SEC24B: variants seen among roughly 807,000 people sequenced by gnomAD.
SEC24B encodes the protein protein transport protein Sec24B.
A neutral mutation model predicts 142.8 loss-of-function variants in SEC24B; 45 were observed. The observed-to-expected ratio is 0.32, with a 90% confidence interval of 0.25 to 0.40. The LOEUF (loss-of-function observed/expected upper bound fraction) is 0.40. SEC24B is among the 10% of genes least tolerant of loss of function. The pLI is 1.00. For missense variants in SEC24B, 1,409 were observed against 1,526.8 expected (o/e 0.92, Z 1.29); for synonymous variants, 574 against 568.2 (o/e 1.01, Z -0.15).
At chr4:109,492,328 T>G (rs1453977459) in intron 5 of SEC24B, among the ~76,000 whole-genome samples, 1 of 152,172 alleles carries the variant, frequency 6.6e-6, no homozygotes. Context: ...TGTGTGTCTG[T>G]GTGTGTAAGA....
intron 1 of SEC24B, among the ~76,000 whole-genome samples, chr4:109,459,419 AAAG>A (rs1361563371): frequency 9.2e-5 from 14 of 152,220 alleles, no homozygotes; most frequent in Non-Finnish European, 1.3e-4. Flanking sequence ...ATAGTACAAA[AAAG>A]CAAAATATCT....
intron 4 of SEC24B, among the ~76,000 whole-genome samples, chr4:109,484,167 G>T (rs538804251): frequency 5.9e-5 from 9 of 152,202 alleles, no homozygotes; most frequent in Non-Finnish European, 1.2e-4. Context: ...TGTCATGTTA[G>T]ACTCCTTTAG....
intron 1 of SEC24B, among the ~76,000 whole-genome samples, chr4:109,442,793 G>T (rs547219115): frequency 6.6e-6 from 1 of 152,048 alleles, no homozygotes; most frequent in African/African-American, 2.4e-5. Context: ...TTGTAGTATG[G>T]TGGAAATCAT....
intron 22 of SEC24B, among the ~76,000 whole-genome samples, chr4:109,535,939 A>G (rs1218466249): frequency 6.6e-6 from 1 of 152,238 alleles, no homozygotes; most frequent in East Asian, 1.9e-4. Flanking sequence ...AGGAAATATG[A>G]TTCTGAAAAC....
intron 9 of SEC24B, among the ~76,000 whole-genome samples, chr4:109,513,176 T>C (rs1348829541): frequency 1.3e-5 from 2 of 151,558 alleles, no homozygotes; most frequent in East Asian, 1.9e-4. Flanking sequence ...GGTTTTACCA[T>C]ATTGGCCAGG....
chr4:109,497,832 C>G (rs7675602), intron 6 of SEC24B, among the ~76,000 whole-genome samples: 3 of 151,978 alleles, frequency 2.0e-5, no homozygotes, highest in Non-Finnish European at 4.4e-5. Context: ...TGCTGGGCCA[C>G]TGGATATTCA....
At chr4:109,530,067 C>T (rs986378779) in intron 18 of SEC24B, among the ~76,000 whole-genome samples, 1 of 152,040 alleles carries the variant, frequency 6.6e-6, no homozygotes, top group Non-Finnish European at 1.5e-5. Context: ...GAGATTAAAA[C>T]AAAAATGTCC....
At chr4:109,530,842 G>A (rs1339262449) in intron 19 of SEC24B, among the ~76,000 whole-genome samples, 2 of 135,522 alleles carry the variant, frequency 1.5e-5, no homozygotes, top group African/African-American at 5.8e-5. Flanking sequence ...GTTGCAGTGA[G>A]CCAAGATCAT....
chr4:109,496,933 A>G (rs1735598178), intron 6 of SEC24B, among the ~76,000 whole-genome samples: 1 of 152,248 alleles, frequency 6.6e-6, no homozygotes, highest in South Asian at 2.1e-4. Context: ...AACCAGGTTC[A>G]AAGAAAGGAT....
chr4:109,521,520 T>C lies in SEC24B; in HGVS notation c.2402T>C (p.Met801Thr), dbSNP rs368503516. 22 of 1,614,064 alleles carry C rather than the reference T, an allele frequency of 1.4e-5. No individual in the cohort carries two copies. The African/African-American group carries it at 2.7e-4, about 20-fold the overall frequency. Residue 801 changes from methionine (M) to threonine (T), a missense_variant, in exon 14 of 24, where the codon ATG becomes ACG. Physicochemically the swap from Met to Thr is moderately conservative, Grantham distance 81 (BLOSUM62 -1). This residue lies in a region of SEC24B where 700 missense variants were observed against 853.3 expected (regional missense o/e 0.82). Coordinates refer to ENST00000265175, the MANE Select transcript of SEC24B (RefSeq NM_006323.5). ...GPALQAAFKL[M>T]SPTGGRVSVF... Reference sequence around the variant, plus strand: ...GCACTTCAGGCTGCCTTTAAATTAATGTCTCCAACAGGTGGCCGTGTGTCT... The same window carrying C: ...GCACTTCAGGCTGCCTTTAAATTAACGTCTCCAACAGGTGGCCGTGTGTCT...
intron 10 of SEC24B, among the ~76,000 whole-genome samples, chr4:109,515,631 T>C (rs1393990487): frequency 5.3e-5 from 8 of 152,104 alleles, no homozygotes; most frequent in Admixed American, 5.2e-4. Context: ...ACCTGGCCTA[T>C]TTCAACTTTA....
intron 6 of SEC24B, 127 bp downstream of exon 6, chr4:109,494,983 C>A: frequency 9.1e-7 from 1 of 1,095,462 alleles, no homozygotes; most frequent in Non-Finnish European, 1.3e-6. Flanking sequence ...CTAGATCAAA[C>A]ATACATAGAA....
At chr4:109,477,524 C>A in intron 3 of SEC24B, among the ~76,000 whole-genome samples, 1 of 151,972 alleles carries the variant, frequency 6.6e-6, no homozygotes, top group East Asian at 1.9e-4. Context: ...TGAGGTCTTA[C>A]AGTGTTGCCC....
In SEC24B at chr4:109,481,784, C is replaced by G; in HGVS notation, c.1165+3C>G. On this transcript the variant is annotated splice_donor_region_variant and intron_variant, in intron 4 of 23. Coordinates refer to ENST00000265175, the MANE Select transcript of SEC24B (RefSeq NM_006323.5). ...GGAGGAGGAGGATGAGGAAGCAGGTCTGCTTTAGCTTTACACCAGTTCTTG... is the reference window on the plus strand; with the variant it reads ...GGAGGAGGAGGATGAGGAAGCAGGTGTGCTTTAGCTTTACACCAGTTCTTG... The G allele has an allele frequency of 6.2e-7, 1 of 1,608,694 alleles. No individual in the cohort carries two copies. The highest frequency in any genetic ancestry group is 1.7e-5 in the Admixed American group (1 of 59,908).
At chr4:109,495,661 A>G (rs1467782512) in intron 6 of SEC24B, among the ~76,000 whole-genome samples, 1 of 152,094 alleles carries the variant, frequency 6.6e-6, no homozygotes, top group East Asian at 1.9e-4. Flanking sequence ...TGGTTGCCCT[A>G]CCCTAATCTT....
chr4:109,498,769 G>A (rs889766205), intron 6 of SEC24B, among the ~76,000 whole-genome samples: 1 of 152,078 alleles, frequency 6.6e-6, no homozygotes, highest in Admixed American at 6.6e-5. Context: ...TGTACCTAAT[G>A]TAGTGCAATG....
At chr4:109,457,705 TC>T (rs1436529683) in intron 1 of SEC24B, among the ~76,000 whole-genome samples, 1 of 152,238 alleles carries the variant, frequency 6.6e-6, no homozygotes, top group African/African-American at 2.4e-5. Flanking sequence ...CATTGACTCT[TC>T]CTACTTGTCT....
rs980025943 is a variant in SEC24B, at chr4:109,489,644, A to ATATAT, written c.1166-1682_1166-1678dup. On this transcript the variant is annotated intron_variant, in intron 4 of 23. Transcript: ENST00000265175. ...TTATAATATATATGGTATATATATG[A>ATATAT]TATATATGGTATATATATGATATAT... is the stretch of plus-strand genomic sequence containing the variant. Among the ~76,000 whole-genome samples, 7 of 79,808 alleles carry ATATAT rather than the reference A, an allele frequency of 8.8e-5. No homozygotes were observed. The African/African-American group carries it at 1.9e-3, about 22-fold the overall frequency. 52.4% of individuals were successfully genotyped at this position (79,808 alleles called of 152,430 possible).
At chr4:109,489,242 A>G (rs547454180) in intron 4 of SEC24B, among the ~76,000 whole-genome samples, 42 of 152,114 alleles carry the variant, frequency 2.8e-4, no homozygotes, top group Middle Eastern at 6.8e-3. Flanking sequence ...TTTTATGTCT[A>G]TGATCCATTT....
Sources: gnomAD v4.1 joint callset for allele counts (sites outside exome capture counted in the v4.1 genomes callset) on GRCh38, gnomAD v4.1.1 for gene constraint, gnomAD v4.1.1 regional missense constraint, MANE v1.5 for transcripts, NCBI Gene and HGNC (gene_info 2026-07-23, HGNC 2026-07-21) for gene names.